DIAPH1: variants seen among roughly 807,000 people sequenced by gnomAD.
DIAPH1 encodes the protein diaphanous related formin 1.
DIAPH1 carries 46 observed loss-of-function variants against 140.7 expected under a neutral mutation model. The observed-to-expected ratio is 0.33, with a 90% confidence interval of 0.26 to 0.42. The LOEUF is 0.42. DIAPH1 is among the 10% of genes least tolerant of loss of function. DIAPH1 has a pLI of 1.00. For synonymous variants in DIAPH1, 565 were observed against 551.6 expected, an observed-to-expected ratio of 1.02 and a Z score of -0.34; for missense variants, 1,310 against 1,558.7, an observed-to-expected ratio of 0.84 and a Z score of 2.69.
intron 17 of DIAPH1, among the ~76,000 whole-genome samples, 176 bp from the exon 18 acceptor site, chr5:141,571,612 A>C (rs2099895197): frequency 6.6e-6 from 1 of 152,208 alleles, no homozygotes; most frequent in East Asian, 1.9e-4. Context: ...ACTGCACCTT[A>C]AGGCAGTGCC....
chr5:141,537,444 T>G (rs368471067), intron 18 of DIAPH1, among the ~76,000 whole-genome samples: 1 of 132,266 alleles, frequency 7.6e-6, no homozygotes, highest in African/African-American at 2.9e-5. Flanking sequence ...GATCGCGCCA[T>G]TGCACTGCAG....
At position 141,573,694 on chromosome 5, in the gene DIAPH1, G is replaced by C. The variant is rs770966255; in HGVS notation, c.2156C>G (p.Pro719Arg). 1.2e-5 allele frequency: 19 copies of C among 1,602,928 alleles called. No individual in the cohort carries two copies. Among genetic ancestry groups the C allele is most frequent in the Admixed American group, 1.7e-5 (1 of 58,774 alleles). ...GEAGMPPPPP[P>R]LPGGPGIPPP... ...AGGGATTCCAGGACCACCAGGAAGA[G>C]GGGGAGGAGGAGGTGGCATTCCTGC... Residue 719 changes from proline (P) to arginine (R), a missense_variant, in exon 16 of 28, where the codon CCT becomes CGT. Physicochemically the swap from Pro to Arg is moderately radical, Grantham distance 103 (BLOSUM62 -2). Transcript: ENST00000389054.
intron 1 of DIAPH1, among the ~76,000 whole-genome samples, chr5:141,590,972 T>C (rs1028052379): frequency 6.6e-6 from 1 of 152,210 alleles, no homozygotes; most frequent in African/African-American, 2.4e-5. Flanking sequence ...CTTTCTAAAA[T>C]GCCAAGCTGT....
intron 18 of DIAPH1, among the ~76,000 whole-genome samples, chr5:141,567,998 T>G (rs1311460962): frequency 3.3e-5 from 5 of 152,244 alleles, no homozygotes; most frequent in African/African-American, 1.2e-4. Context: ...ACTGTTCTGA[T>G]GCTCACAGTT....
chr5:141,541,434 T>C (rs2099889944), intron 18 of DIAPH1, among the ~76,000 whole-genome samples: 1 of 152,142 alleles, frequency 6.6e-6, no homozygotes, highest in African/African-American at 2.4e-5. Flanking sequence ...ATGCCTGTAA[T>C]CCCAGCACTT....
At chr5:141,580,960 T>G (rs2099896664) in intron 7 of DIAPH1, 77 bp from the exon 8 acceptor site, 1 of 1,571,622 alleles carries the variant, frequency 6.4e-7, no homozygotes, top group Admixed American at 1.7e-5. Flanking sequence ...CGGGTTGTTA[T>G]GGGTTGAATG....
Position 141,573,923 on chromosome 5 carries a change from G to A in DIAPH1, c.1927C>T (p.Pro643Ser), listed in dbSNP as rs768458531. The A allele has an allele frequency of 5.8e-6, 9 of 1,552,492 alleles. No individual in the cohort carries two copies. Among genetic ancestry groups the A allele is most frequent in the Admixed American group, 2.0e-5 (1 of 50,862 alleles). ...ATGGTAGCATCCCCAGACAAAGGAG[G>A]GGGTGGAGAGATAGCAGTACCTCCA... Reference protein sequence around the residue: ...LPGGTAISPPPPLSGDATIPP... With the variant: ...LPGGTAISPPSPLSGDATIPP... The change falls in exon 16 of 28, where the codon CCT (proline) becomes TCT (serine). Residue 643 changes from proline (P) to serine (S), a missense_variant. Pro to Ser is a moderately conservative substitution (Grantham distance 74). Transcript: ENST00000389054.
chr5:141,521,919 C>T (rs1432795379), intron 27 of DIAPH1, among the ~76,000 whole-genome samples: 1 of 152,218 alleles, frequency 6.6e-6, no homozygotes. Context: ...TCTAGTCCAA[C>T]TCTCATTTTA....
chr5:141,541,090 G>A (rs943964028), intron 18 of DIAPH1, among the ~76,000 whole-genome samples: 7 of 152,022 alleles, frequency 4.6e-5, no homozygotes, highest in Admixed American at 3.9e-4. Context: ...ACTATTTTAT[G>A]CACCATTAAA....
rs1286592601 is a variant in DIAPH1 at position 141,518,447 on chromosome 5, C to T, written c.3662-1439G>A. Among the ~76,000 whole-genome samples, 5 of 151,774 alleles carry T rather than the reference C, an allele frequency of 3.3e-5. No individual in the cohort carries two copies. The East Asian group carries it at 9.7e-4, about 29-fold the overall frequency. ...TAAATAAAGACCAAGACTGGGGCAG[C>T]TGCATGACTGGAATGAAGCGCCTTT... On this transcript the variant is annotated intron_variant, in intron 27 of 27. Transcript: ENST00000389054.
intron 27 of DIAPH1, 62 bp downstream of exon 27, chr5:141,524,081 G>T: frequency 1.4e-6 from 2 of 1,392,368 alleles, no homozygotes; most frequent in Non-Finnish European, 1.0e-6. Context: ...GCCGCAGACT[G>T]GCAGGAGTAG....
chr5:141,590,387 C>T (rs1210188429), intron 1 of DIAPH1, among the ~76,000 whole-genome samples: 1 of 152,164 alleles, frequency 6.6e-6, no homozygotes, highest in Non-Finnish European at 1.5e-5. Flanking sequence ...AATTTAGTTA[C>T]TTCATGTGTT....
intron 27 of DIAPH1, among the ~76,000 whole-genome samples, chr5:141,523,880 C>T (rs1448392406): frequency 1.3e-5 from 2 of 151,776 alleles, no homozygotes; most frequent in Non-Finnish European, 2.9e-5. Context: ...CAGCTCAGTT[C>T]CTTTGTTCCA....
At chr5:141,527,822 TACTTAATA>T in intron 23 of DIAPH1, 125 bp from the exon 24 acceptor site, 1 of 1,213,370 alleles carries the variant, frequency 8.2e-7, no homozygotes, top group South Asian at 1.5e-5. Flanking sequence ...CACATTCTGG[TACTTAATA>T]ATTTTAGTTC....
rs115238244 is a variant in DIAPH1 at position 141,606,018 on chromosome 5, A to G, written c.117+12780T>C. On this transcript the variant is annotated intron_variant, in intron 1 of 27. Transcript: ENST00000389054. Reference sequence around the variant, plus strand: ...TCTAAGCCTGACACACATCTTTCACAAAAACTAAGAAAACTAAAAATATCC... The same window carrying G: ...TCTAAGCCTGACACACATCTTTCACGAAAACTAAGAAAACTAAAAATATCC... Among the ~76,000 whole-genome samples, 584 of 152,338 alleles carry G rather than the reference A, an allele frequency of 3.8e-3. 3 individuals are homozygous for G. Among genetic ancestry groups the G allele is most frequent in the African/African-American group, 0.013 (527 of 41,566 alleles).
chr5:141,593,776 C>T (rs527964917), intron 1 of DIAPH1, among the ~76,000 whole-genome samples: 5 of 152,272 alleles, frequency 3.3e-5, no homozygotes, highest in East Asian at 1.9e-4. Flanking sequence ...ATCCACAACA[C>T]GGATGATGCC....
At chr5:141,616,969 T>A in intron 1 of DIAPH1, among the ~76,000 whole-genome samples, 1 of 152,052 alleles carries the variant, frequency 6.6e-6, no homozygotes, top group East Asian at 1.9e-4. Context: ...ACCACACACA[T>A]AGTAGACTTC....
At chr5:141,549,153 A>G (rs913029546) in intron 18 of DIAPH1, among the ~76,000 whole-genome samples, 5 of 152,192 alleles carry the variant, frequency 3.3e-5, no homozygotes, top group African/African-American at 1.2e-4. Flanking sequence ...TGTGCTGCTT[A>G]TAAGGGACAC....
intron 27 of DIAPH1, 101 bp downstream of exon 27, chr5:141,524,042 A>G (rs2099886941): frequency 2.0e-6 from 2 of 998,822 alleles, no homozygotes; most frequent in Non-Finnish European, 1.6e-6. Flanking sequence ...GACTAAAAAG[A>G]TGCTTAGAGC....
Sources: allele counts gnomAD v4.1 joint callset (sites outside exome capture counted in the v4.1 genomes callset), GRCh38; gene constraint gnomAD v4.1.1; transcripts MANE v1.5; gene names NCBI Gene and HGNC (gene_info 2026-07-23, HGNC 2026-07-21).